Variants in WDR37 observed in about 807,000 individuals in gnomAD.
The protein encoded by WDR37 is WD repeat-containing protein 37.
In WDR37, 19 loss-of-function variants were observed where a neutral mutation model predicts 62.9. That is an observed-to-expected ratio of 0.30 (90% confidence interval 0.21 to 0.44). The LOEUF is 0.44. Among genes scored for constraint, WDR37 ranks in the 20% least tolerant of loss-of-function variants. The pLI is 1.00. For missense variants in WDR37, 474 were observed against 657.6 expected (o/e 0.72, Z 3.05); for synonymous variants, 250 against 260.9 (o/e 0.96, Z 0.40).
chr10:1,126,419 A>T (rs1234694006), intron 13 of WDR37, among the ~76,000 whole-genome samples: 37 of 151,590 alleles, frequency 2.4e-4, no homozygotes, highest in African/African-American at 8.0e-4. Context: ...AAAAAAAAAA[A>T]GAAACTCCCC....
intron 11 of WDR37, among the ~76,000 whole-genome samples, chr10:1,112,170 A>G (rs1001042325): frequency 6.6e-6 from 1 of 152,182 alleles, no homozygotes; most frequent in African/African-American, 2.4e-5. Context: ...CAGTTTTCCA[A>G]CAGCACGTGC....
At chr10:1,124,096 G>A in intron 11 of WDR37, 122 bp from the exon 12 acceptor site, 1 of 1,353,302 alleles carries the variant, frequency 7.4e-7, no homozygotes, top group South Asian at 1.3e-5. Flanking sequence ...TTGCAGAGGA[G>A]AGAGCTGTGA....
At chr10:1,067,218 G>T (rs1833580788) in intron 1 of WDR37, among the ~76,000 whole-genome samples, 1 of 152,088 alleles carries the variant, frequency 6.6e-6, no homozygotes, top group Non-Finnish European at 1.5e-5. Flanking sequence ...AAATGAGGCT[G>T]GGATAATTGG....
intron 9 of WDR37, among the ~76,000 whole-genome samples, chr10:1,102,320 G>A (rs903392181): frequency 6.6e-6 from 1 of 152,120 alleles, no homozygotes; most frequent in Non-Finnish European, 1.5e-5. Flanking sequence ...GCTGCTGTGC[G>A]TCCCTGTGAC....
At chr10:1,090,401 C>T (rs1834347024) in intron 7 of WDR37, among the ~76,000 whole-genome samples, 1 of 152,176 alleles carries the variant, frequency 6.6e-6, no homozygotes, top group Non-Finnish European at 1.5e-5. Flanking sequence ...TCAGGTGATC[C>T]AGCCGCCTCG....
chr10:1,057,627 A>G (rs747237677), intron 1 of WDR37, among the ~76,000 whole-genome samples: 4 of 152,208 alleles, frequency 2.6e-5, no homozygotes, highest in Non-Finnish European at 2.9e-5. Flanking sequence ...ACAGCTGTTC[A>G]CCGGAATAAC....
chr10:1,123,878 A>G (rs1184491237), intron 11 of WDR37: 2 of 224,014 alleles, frequency 8.9e-6, no homozygotes, highest in Non-Finnish European at 1.8e-5. Flanking sequence ...TTGTTGTTGG[A>G]ATGGATTTTT....
At chr10:1,071,086 T>C (rs960480645) in intron 1 of WDR37, among the ~76,000 whole-genome samples, 1 of 152,254 alleles carries the variant, frequency 6.6e-6, no homozygotes, top group African/African-American at 2.4e-5. Context: ...ACGTAGTCCT[T>C]ATGTGTATTT....
At position 1,126,397 on chromosome 10, in the gene WDR37, CTGTG is replaced by C. The variant is rs1306160248; in HGVS notation, c.1353+1375_1353+1378del. On this transcript the variant is annotated intron_variant, in intron 13 of 13. Coordinates refer to ENST00000263150, the MANE Select transcript of WDR37 (RefSeq NM_014023.4). ...CTCCAGCCTGGGCGACAGAGCGAGA[CTGTG>C]TCTCAGAAAAAAAAAAAAGAAACTC... 8.0e-5 allele frequency among the ~76,000 whole-genome samples: 11 copies of C among 138,332 alleles called. No individual in the cohort carries two copies. The East Asian group carries it at 1.8e-3, about 23-fold the overall frequency. The allele number at this position is 138,332 out of a possible 152,430, so 90.8% of individuals were successfully genotyped here. A position where few individuals can be genotyped will look rare whatever the true frequency, so the allele number is the denominator to read the frequency against.
intron 1 of WDR37, among the ~76,000 whole-genome samples, chr10:1,062,687 G>C (rs1432057727): frequency 2.0e-5 from 3 of 152,200 alleles, no homozygotes; most frequent in Non-Finnish European, 2.9e-5. Flanking sequence ...TATGCAATTT[G>C]AGAATAAAAG....
At chr10:1,097,116 T>C (rs763386191) in intron 9 of WDR37, among the ~76,000 whole-genome samples, 19 of 151,966 alleles carry the variant, frequency 1.3e-4, no homozygotes, top group African/African-American at 2.2e-4. Flanking sequence ...TACAATAAAG[T>C]GTGAAAGGAC....
chr10:1,065,515 G>A (rs990432695), intron 1 of WDR37, among the ~76,000 whole-genome samples: 1 of 152,004 alleles, frequency 6.6e-6, no homozygotes, highest in Non-Finnish European at 1.5e-5. Flanking sequence ...ATGAACAAGT[G>A]CAGTTTATTT....
chr10:1,081,172 G>A (rs1834017093), intron 5 of WDR37, among the ~76,000 whole-genome samples: 1 of 152,138 alleles, frequency 6.6e-6, no homozygotes, highest in African/African-American at 2.4e-5. Context: ...TGATCAGGAA[G>A]TGAAGGTCTG....
At chr10:1,091,047 T>C (rs538484111) in intron 7 of WDR37, among the ~76,000 whole-genome samples, 3 of 152,180 alleles carry the variant, frequency 2.0e-5, no homozygotes, top group Non-Finnish European at 4.4e-5. Flanking sequence ...CCCAACATGA[T>C]TCTGTGCCGA....
intron 11 of WDR37, among the ~76,000 whole-genome samples, chr10:1,110,634 C>G (rs1437151333): frequency 1.3e-5 from 2 of 152,196 alleles, no homozygotes; most frequent in African/African-American, 4.8e-5. Context: ...GAGGAATGGC[C>G]AGGTTGTGTG....
intron 1 of WDR37, among the ~76,000 whole-genome samples, chr10:1,059,179 C>T (rs930997252): frequency 6.6e-6 from 1 of 151,194 alleles, no homozygotes; most frequent in African/African-American, 2.4e-5. Context: ...AGTCCAAGAC[C>T]ACCCTGGCCA....
chr10:1,127,877 A>G (rs1835848951), intron 13 of WDR37, among the ~76,000 whole-genome samples: 1 of 152,152 alleles, frequency 6.6e-6, no homozygotes, highest in South Asian at 2.1e-4. Context: ...CGCATGAGAG[A>G]TGGAAATCCC....
chr10:1,070,272 A>G (rs1181759003), intron 1 of WDR37, among the ~76,000 whole-genome samples: 1 of 152,076 alleles, frequency 6.6e-6, no homozygotes, highest in Non-Finnish European at 1.5e-5. Flanking sequence ...GAGAGTTACT[A>G]GAAGCTTGTG....
intron 1 of WDR37, among the ~76,000 whole-genome samples, chr10:1,060,767 A>T (rs1056634862): frequency 1.3e-5 from 2 of 152,242 alleles, no homozygotes; most frequent in African/African-American, 4.8e-5. Context: ...CTCATGTAAG[A>T]TGGTGGTCCC....
Sources: allele counts gnomAD v4.1 joint callset (sites outside exome capture counted in the v4.1 genomes callset), GRCh38; gene constraint gnomAD v4.1.1; transcripts MANE v1.5; gene names NCBI Gene and HGNC (gene_info 2026-07-23, HGNC 2026-07-21).